Variants in BAZ2B observed in about 807,000 individuals in gnomAD.
BAZ2B encodes the protein bromodomain adjacent to zinc finger domain 2B.
Under a neutral mutation model 246.0 loss-of-function variants are expected in BAZ2B, and 91 were observed. The ratio of observed to expected loss-of-function variants is 0.37; its 90% confidence interval spans 0.31 to 0.44. BAZ2B has a LOEUF of 0.44. Among genes scored for constraint, BAZ2B ranks in the 20% least tolerant of loss-of-function variants. The pLI, the probability that BAZ2B is intolerant of heterozygous loss-of-function variation, is 1.00. For missense variants in BAZ2B, 2,332 were observed against 2,533.7 expected (o/e 0.92, Z 1.71); for synonymous variants, 855 against 860.0 (o/e 0.99, Z 0.10).
At chr2:159,527,423 G>A (rs1354555642) in intron 2 of BAZ2B, among the ~76,000 whole-genome samples, 3 of 151,580 alleles carry the variant, frequency 2.0e-5, no homozygotes, top group Non-Finnish European at 4.4e-5. Context: ...ATCTTAACAG[G>A]GCATTTTGCA....
intron 7 of BAZ2B, 91 bp from the exon 8 acceptor site, chr2:159,438,786 C>A (rs2302923): frequency 0.55 from 778,989 of 1,418,642 alleles, 218,787 homozygotes; most frequent in Non-Finnish European, 0.59. Context: ...CGGGTACTTT[C>A]AAAGTGTTCT....
At chr2:159,528,584 G>A (rs942104861) in intron 2 of BAZ2B, among the ~76,000 whole-genome samples, 1 of 151,686 alleles carries the variant, frequency 6.6e-6, no homozygotes, top group East Asian at 1.9e-4. Context: ...TTAGTAGGCT[G>A]AGGCAGGAGA....
At chr2:159,385,654 C>G (rs1029054459) in intron 22 of BAZ2B, among the ~76,000 whole-genome samples, 2 of 152,010 alleles carry the variant, frequency 1.3e-5, no homozygotes, top group Non-Finnish European at 2.9e-5. Flanking sequence ...ATCAAGCCTT[C>G]CATGACTATA....
At position 159,350,108 on chromosome 2, in the gene BAZ2B, T is replaced by C. The variant is rs2058397026; in HGVS notation, c.4463A>G (p.Lys1488Arg). The C allele has an allele frequency of 6.2e-7, 1 of 1,613,996 alleles. No homozygotes were observed. The highest frequency in any genetic ancestry group is 8.5e-7 in the Non-Finnish European group (1 of 1,180,012). ...GCACCCATTTGCACCAGCATTTGGT[T>C]TGGGGGTCATAACCTCTGACTCAGG... ...MPPESEVMTP[K>R]PNAGANGCTL... The change falls in exon 28 of 37, where the codon AAA becomes AGA. Residue 1488 changes from lysine (K) to arginine (R), a missense_variant. Lys to Arg is a conservative substitution (Grantham distance 26, BLOSUM62 2). Around this residue, in one of 9 missense-constraint regions of BAZ2B, gnomAD observed 676 missense variants for 668.6 expected, o/e 1.01. Transcript: ENST00000392783.
chr2:159,428,191 C>A, intron 12 of BAZ2B, 120 bp downstream of exon 12: 3 of 1,091,784 alleles, frequency 2.7e-6, no homozygotes, highest in Non-Finnish European at 2.7e-6. Flanking sequence ...GTACAATAGT[C>A]CCATACAAGA....
chr2:159,334,709 A>C (rs1216400253), intron 33 of BAZ2B, among the ~76,000 whole-genome samples: 2 of 152,226 alleles, frequency 1.3e-5, no homozygotes, highest in African/African-American at 4.8e-5. Context: ...AGAAAGGTTA[A>C]TGAATTTGCA....
chr2:159,368,101 G>A (rs1177802389), intron 27 of BAZ2B, among the ~76,000 whole-genome samples: 7 of 152,132 alleles, frequency 4.6e-5, no homozygotes. Flanking sequence ...TAGATTGTGA[G>A]CTTTTTGTGG....
chr2:159,587,790 C>T (rs780511866), intron 1 of BAZ2B, among the ~76,000 whole-genome samples: 32 of 152,148 alleles, frequency 2.1e-4, no homozygotes, highest in Non-Finnish European at 3.8e-4. Context: ...AAAGTAACCA[C>T]GTTATTCATC....
At chr2:159,339,605 G>A (rs925520894) in intron 31 of BAZ2B, among the ~76,000 whole-genome samples, 1 of 152,178 alleles carries the variant, frequency 6.6e-6, no homozygotes, top group Non-Finnish European at 1.5e-5. Context: ...ATATGGAAGA[G>A]ATATTTGTAC....
At chr2:159,355,456 AGAT>A (rs959152185) in intron 27 of BAZ2B, among the ~76,000 whole-genome samples, 1 of 152,200 alleles carries the variant, frequency 6.6e-6, no homozygotes, top group Non-Finnish European at 1.5e-5. Flanking sequence ...GAAAATTTTA[AGAT>A]GATAACATAA....
At chr2:159,450,661 A>G (rs1350815914) in intron 4 of BAZ2B, among the ~76,000 whole-genome samples, 1 of 152,218 alleles carries the variant, frequency 6.6e-6, no homozygotes, top group Non-Finnish European at 1.5e-5. Flanking sequence ...AAAATACAAA[A>G]TAAGGATTAT....
At chr2:159,675,414 T>G in the BAZ2B span, among the ~76,000 whole-genome samples, 1 of 152,142 alleles carries the variant, frequency 6.6e-6, no homozygotes, top group Non-Finnish European at 1.5e-5. Flanking sequence ...AGCTATTCAC[T>G]ATTTCTGGTG....
chr2:159,666,140 A>G, the BAZ2B span, among the ~76,000 whole-genome samples: 16 of 152,198 alleles, frequency 1.1e-4, no homozygotes, highest in African/African-American at 3.6e-4. Context: ...TATATTTACA[A>G]TATTGTTCCT....
In BAZ2B at chr2:159,473,811, A is replaced by G. The variant is rs374952623; in HGVS notation, c.145+4764T>C. 3.3e-4 allele frequency among the ~76,000 whole-genome samples: 50 copies of G among 152,134 alleles called. 1 individual carries two copies. The highest frequency in any genetic ancestry group is 1.2e-3 in the African/African-American group (49 of 41,506). ...ACATCTTTATTTCTGCCTTCATTTCATTATTTACCTGGTAGTCATTCAGGA... is the reference window on the plus strand; with the variant it reads ...ACATCTTTATTTCTGCCTTCATTTCGTTATTTACCTGGTAGTCATTCAGGA... On this transcript the variant is annotated intron_variant, in intron 3 of 36. Coordinates refer to ENST00000392783, the MANE Select transcript of BAZ2B (RefSeq NM_013450.4).
intron 2 of BAZ2B, among the ~76,000 whole-genome samples, chr2:159,528,117 G>C (rs2084949947): frequency 6.6e-6 from 1 of 152,176 alleles, no homozygotes; most frequent in Non-Finnish European, 1.5e-5. Context: ...ATTTTATTCT[G>C]TAGTGGTTGG....
chr2:159,404,981 G>A (rs759980207), intron 15 of BAZ2B, 41 bp downstream of exon 15: 6 of 1,611,534 alleles, frequency 3.7e-6, no homozygotes, highest in East Asian at 4.5e-5. Context: ...GAATTCCCCA[G>A]TACTGACTCT....
chr2:159,381,130 T>G (rs1319510770), intron 25 of BAZ2B, among the ~76,000 whole-genome samples: 1 of 152,256 alleles, frequency 6.6e-6, no homozygotes, highest in East Asian at 1.9e-4. Context: ...TCCACTACTC[T>G]ATTCACTAAA....
the BAZ2B span, among the ~76,000 whole-genome samples, chr2:159,692,086 T>C: frequency 6.6e-6 from 1 of 152,228 alleles, no homozygotes; most frequent in Non-Finnish European, 1.5e-5. Context: ...TATTTTATGG[T>C]AGCAAATGAT....
At chr2:159,657,102 G>T in the BAZ2B span, among the ~76,000 whole-genome samples, 1 of 152,078 alleles carries the variant, frequency 6.6e-6, no homozygotes, top group African/African-American at 2.4e-5. Flanking sequence ...TTATCATCCA[G>T]GAGTTTTACA....
Sources: gnomAD v4.1 joint callset for allele counts (sites outside exome capture counted in the v4.1 genomes callset) on GRCh38, gnomAD v4.1.1 for gene constraint, gnomAD v4.1.1 regional missense constraint, MANE v1.5 for transcripts, NCBI Gene and HGNC (gene_info 2026-07-23, HGNC 2026-07-21) for gene names.